Variants in RARB observed in about 807,000 individuals in gnomAD.
RARB encodes the protein HBV-activated protein.
RARB carries 17 observed loss-of-function variants against 51.9 expected under a neutral mutation model. That is an observed-to-expected ratio of 0.33 (90% CI 0.22 to 0.49). The LOEUF (loss-of-function observed/expected upper bound fraction) is 0.49, where lower values mean the gene tolerates loss of function less well. RARB is among the 20% of genes least tolerant of loss of function. The pLI, the probability that RARB is intolerant of heterozygous loss-of-function variation, is 0.99. For missense variants in RARB, 369 were observed against 550.8 expected, an observed-to-expected ratio of 0.67 and a Z score of 3.30; for synonymous variants, 215 against 195.4, an observed-to-expected ratio of 1.10 and a Z score of -0.84.
At chr3:25,094,393 GA>G in intron 3 of RARB, among the ~76,000 whole-genome samples, 1 of 152,196 alleles carries the variant, frequency 6.6e-6, no homozygotes, top group Non-Finnish European at 1.5e-5. Flanking sequence ...GGAACCCCAT[GA>G]AGAAGGTAAT....
intron 2 of RARB, among the ~76,000 whole-genome samples, chr3:24,959,511 A>G (rs573507206): frequency 1.3e-5 from 2 of 152,212 alleles, no homozygotes; most frequent in South Asian, 4.1e-4. Flanking sequence ...TATAGCATGG[A>G]GTGGGGCGGG....
intron 2 of RARB, among the ~76,000 whole-genome samples, chr3:24,867,005 A>C (rs988604775): frequency 6.6e-6 from 1 of 152,048 alleles, no homozygotes; most frequent in Non-Finnish European, 1.5e-5. Flanking sequence ...TGGAGGTCCA[A>C]GTGGAGCCAT....
intron 2 of RARB, among the ~76,000 whole-genome samples, chr3:25,009,339 A>C (rs527880810): frequency 6.6e-6 from 1 of 152,144 alleles, no homozygotes; most frequent in Non-Finnish European, 1.5e-5. Flanking sequence ...GTAATCATAC[A>C]TGTCATTTTT....
chr3:25,551,798 C>T (rs1699861934), intron 3 of RARB, among the ~76,000 whole-genome samples: 1 of 152,084 alleles, frequency 6.6e-6, no homozygotes. Flanking sequence ...TGTGGGGATC[C>T]CAGGATGCAG....
intron 5 of RARB, among the ~76,000 whole-genome samples, chr3:25,297,402 CTTTTTTTTTTTTT>C (rs67843073): frequency 1.6e-4 from 10 of 63,434 alleles, no homozygotes; most frequent in Non-Finnish European, 2.6e-4. Flanking sequence ...AGAAGGTATT[CTTTTTTTTTTTTT>C]TTTTTTTTTT....
At chr3:25,065,529 T>G (rs933947998) in intron 3 of RARB, among the ~76,000 whole-genome samples, 3 of 152,338 alleles carry the variant, frequency 2.0e-5, no homozygotes, top group Non-Finnish European at 1.5e-5. Flanking sequence ...GTGCCACATA[T>G]TCTAGTAAAG....
intron 3 of RARB, among the ~76,000 whole-genome samples, chr3:25,077,251 C>T (rs1325394412): frequency 6.6e-6 from 1 of 152,170 alleles, no homozygotes; most frequent in Non-Finnish European, 1.5e-5. Context: ...ATGTGCAGAT[C>T]TTACATATAG....
In RARB at chr3:25,455,358, A is replaced by G. The variant is rs1376604460; in HGVS notation, c.158-5835A>G. Among the ~76,000 whole-genome samples the G allele has an allele frequency of 2.0e-5, 3 of 152,202 alleles. No individual in the cohort carries two copies. In the East Asian group the frequency reaches 5.8e-4, roughly 29 times the overall value. ...ACTAAGAAATGGTGCTTCACCATTGATAGTCTGAAAAGCACGAATTTAAAG... is the reference window on the plus strand; with the variant it reads ...ACTAAGAAATGGTGCTTCACCATTGGTAGTCTGAAAAGCACGAATTTAAAG... On this transcript the variant is annotated intron_variant, in intron 1 of 7. Transcript: ENST00000330688.
intron 5 of RARB, among the ~76,000 whole-genome samples, chr3:25,411,370 T>C (rs995104667): frequency 8.5e-5 from 13 of 152,338 alleles, no homozygotes; most frequent in African/African-American, 3.1e-4. Flanking sequence ...TTCTACACAA[T>C]ACAAAACACA....
chr3:24,921,916 A>G (rs1210810457), intron 2 of RARB, among the ~76,000 whole-genome samples: 1 of 152,210 alleles, frequency 6.6e-6, no homozygotes, highest in Non-Finnish European at 1.5e-5. Flanking sequence ...GCTGACTTGA[A>G]GGCTGCAGAT....
At chr3:25,496,060 C>T (rs1419103918) in intron 2 of RARB, among the ~76,000 whole-genome samples, 2 of 152,164 alleles carry the variant, frequency 1.3e-5, no homozygotes, top group Admixed American at 6.5e-5. Context: ...TGCGTAAATA[C>T]AAATGATATC....
chr3:25,242,452 A>C (rs1481675780), intron 5 of RARB, among the ~76,000 whole-genome samples: 2 of 152,036 alleles, frequency 1.3e-5, no homozygotes, highest in Non-Finnish European at 2.9e-5. Flanking sequence ...TTGTGTTTAA[A>C]TCTTTAATCC....
At chr3:24,906,461 G>C (rs569989052) in intron 2 of RARB, among the ~76,000 whole-genome samples, 17 of 152,168 alleles carry the variant, frequency 1.1e-4, no homozygotes, top group Non-Finnish European at 2.1e-4. Context: ...TGTAACAAAA[G>C]TACTTGAGTG....
chr3:25,031,390 C>T (rs1028237559), intron 2 of RARB, among the ~76,000 whole-genome samples: 2 of 152,104 alleles, frequency 1.3e-5, no homozygotes, highest in African/African-American at 2.4e-5. Flanking sequence ...TCTTCCTGGC[C>T]GGTAAGCTTT....
chr3:24,939,768 C>T (rs1266882986), intron 2 of RARB, among the ~76,000 whole-genome samples: 1 of 152,120 alleles, frequency 6.6e-6, no homozygotes, highest in Non-Finnish European at 1.5e-5. Context: ...TCCATTGTTC[C>T]AATACTGGAA....
rs147827863 is a variant in RARB, at chr3:25,181,846, G to C, written c.178+7271G>C. Among the ~76,000 whole-genome samples, 356 of 152,122 alleles carry C rather than the reference G, an allele frequency of 2.3e-3. 2 individuals carry two copies. Among genetic ancestry groups the C allele is most frequent in the East Asian group, 0.02 (104 of 5,164 alleles). Reference sequence around the variant, plus strand: ...CATTTTATAAAATCATGTCACCGATGGCAGTGCTGTTCTCGGTATTCAAGT... The same window carrying C: ...CATTTTATAAAATCATGTCACCGATCGCAGTGCTGTTCTCGGTATTCAAGT... On this transcript the variant is annotated intron_variant, in intron 5 of 11. Transcript: ENST00000383772.
chr3:25,250,249 A>G (rs1702679005), intron 5 of RARB, among the ~76,000 whole-genome samples: 1 of 152,146 alleles, frequency 6.6e-6, no homozygotes, highest in Non-Finnish European at 1.5e-5. Context: ...ATCCCCAGGC[A>G]TGCTTGTGCA....
At chr3:25,490,089 G>T (rs1213918936) in intron 2 of RARB, among the ~76,000 whole-genome samples, 1 of 152,192 alleles carries the variant, frequency 6.6e-6, no homozygotes, top group Admixed American at 6.5e-5. Flanking sequence ...TTATTTTTCA[G>T]TTGTCAGACT....
intron 5 of RARB, among the ~76,000 whole-genome samples, chr3:25,365,790 C>G (rs1706100521): frequency 6.6e-6 from 1 of 152,168 alleles, no homozygotes; most frequent in Admixed American, 6.5e-5. Flanking sequence ...TCAGGGTAAT[C>G]TAACTTGTTA....
Sources: gnomAD v4.1 joint callset for allele counts (sites outside exome capture counted in the v4.1 genomes callset) on GRCh38, gnomAD v4.1.1 for gene constraint, MANE v1.5 for transcripts, NCBI Gene and HGNC (gene_info 2026-07-23, HGNC 2026-07-21) for gene names.